POLR3H: variants seen among roughly 807,000 people sequenced by gnomAD.
The protein encoded by POLR3H is DNA-directed RNA polymerase III subunit RPC8.
Under a neutral mutation model 25.5 loss-of-function variants are expected in POLR3H, and 17 were observed. The observed-to-expected ratio is 0.67, with a 90% CI of 0.46 to 1.00. POLR3H has a LOEUF of 1.00. Ranked by LOEUF, POLR3H falls within the 50% of genes least tolerant of loss-of-function variation. The pLI is 0.00. For synonymous variants in POLR3H, 129 were observed against 103.0 expected (o/e 1.25, Z -1.53); for missense variants, 274 against 265.0 (o/e 1.03, Z -0.24).
At chr22:41,535,865 C>T (rs561021138) in intron 2 of POLR3H, among the ~76,000 whole-genome samples, 4 of 152,142 alleles carry the variant, frequency 2.6e-5, no homozygotes, top group Non-Finnish European at 4.4e-5. Flanking sequence ...CCCAGCTACT[C>T]GGGAGGCTGA....
Position 41,526,359 on chromosome 22 carries a change from G to C in POLR3H, c.*2924C>G. 4 of 1,613,664 alleles carry C rather than the reference G, an allele frequency of 2.5e-6. No individual in the cohort carries two copies. The highest frequency in any genetic ancestry group is 3.4e-6 in the Non-Finnish European group (4 of 1,180,040). ...AACATCTCCAACAACCTGCTCATTGGTGCCATCAACATTGAAAACGGCAAG... is the reference window on the plus strand; with the variant it reads ...AACATCTCCAACAACCTGCTCATTGCTGCCATCAACATTGAAAACGGCAAG... On this transcript the variant is annotated 3_prime_UTR_variant, in exon 6 of 6. Transcript: ENST00000355209.
chr22:41,543,850 T>C (rs1212038192), intron 1 of POLR3H, 141 bp downstream of exon 1: 3 of 720,892 alleles, frequency 4.2e-6, no homozygotes, highest in Non-Finnish European at 7.7e-6. Context: ...CAATATCTCC[T>C]TTCACGGTGA....
intron 5 of POLR3H, 181 bp from the exon 6 acceptor site, chr22:41,529,517 C>A: frequency 1.5e-6 from 1 of 656,012 alleles, no homozygotes; most frequent in Non-Finnish European, 2.8e-6. Flanking sequence ...ACGCAGCACG[C>A]AGGGCGCAGA....
rs768151174 is a variant in POLR3H at position 41,528,509 on chromosome 22, G to A, written c.*774C>T. 5 of 1,612,556 alleles carry A rather than the reference G, an allele frequency of 3.1e-6. No individual in the cohort carries two copies. Among genetic ancestry groups the A allele is most frequent in the East Asian group, 2.2e-5 (1 of 44,858 alleles). On this transcript the variant is annotated 3_prime_UTR_variant, in exon 6 of 6. Coordinates refer to ENST00000355209, the MANE Select transcript of POLR3H (RefSeq NM_001018050.4). ...GAAGTGCATCATCAAGCACCCCAACGGGACCCAGGAGACCATCCTCCTGAA... is the reference window on the plus strand; with the variant it reads ...GAAGTGCATCATCAAGCACCCCAACAGGACCCAGGAGACCATCCTCCTGAA...
intron 1 of POLR3H, among the ~76,000 whole-genome samples, chr22:41,541,685 C>A (rs1204062105): frequency 6.6e-6 from 1 of 152,194 alleles, no homozygotes; most frequent in Non-Finnish European, 1.5e-5. Flanking sequence ...CCAACAGGAC[C>A]TCTACCCCAA....
At chr22:41,543,825 T>G (rs1361120251) in intron 1 of POLR3H, 166 bp downstream of exon 1, 1 of 710,326 alleles carries the variant, frequency 1.4e-6, no homozygotes. Flanking sequence ...AAGCCCATTT[T>G]CTTTTGATCC....
chr22:41,536,891 TA>T (rs925766801), intron 2 of POLR3H, among the ~76,000 whole-genome samples: 66 of 139,964 alleles, frequency 4.7e-4, no homozygotes, highest in Admixed American at 4.3e-4. Flanking sequence ...AAAAAGGCTT[TA>T]AAAAAAAAAA....
rs778409924 is a variant in POLR3H, at chr22:41,544,028, G to A, written c.74C>T (p.Ser25Phe). Residue 25 changes from serine (S) to phenylalanine (F), a missense_variant, in exon 1 of 6, where the codon TCC becomes TTC. Physicochemically the swap from Ser to Phe is radical, Grantham distance 155. Coordinates refer to ENST00000355209, the MANE Select transcript of POLR3H (RefSeq NM_001018050.4). ...CTTCTTGTTCAGCTCCTCGGCAATG[G>A]AGTCGTTGAGCTTCCTCTCAAACTG... ...PWQFERKLND[S>F]IAEELNKKLA... 6.2e-7 allele frequency: 1 copy of A among 1,613,822 alleles called. No individual in the cohort carries two copies. Among genetic ancestry groups the A allele is most frequent in the East Asian group, 2.2e-5 (1 of 44,866 alleles).
chr22:41,530,732 A>G lies in POLR3H; in HGVS notation c.516T>C (p.Thr172=), dbSNP rs558920310. 15 of 1,613,898 alleles carry G rather than the reference A, an allele frequency of 9.3e-6. No homozygotes were observed. The South Asian group carries it at 1.5e-4, about 17-fold the overall frequency. ...CCTTCTTTGGCAGCTCCTCACTGGA[A>G]GTGGTGGCATCTGCTGAGCTGGGCC... The part of the protein sequence containing the change: ...PTGPSSADAT[T]SSEELPKKEA... The change falls in exon 5 of 6, where the codon ACT becomes ACC. Residue 172 remains threonine (T), a synonymous_variant. Coordinates refer to ENST00000355209, the MANE Select transcript of POLR3H (RefSeq NM_001018050.4).
Position 41,527,146 on chromosome 22 carries a change from G to A in POLR3H, c.*2137C>T. On this transcript the variant is annotated 3_prime_UTR_variant, in exon 6 of 6. Transcript: ENST00000355209. ...GGCTTCACTTGCCCTTAGGCAGCAG[G>A]CGAGGAAGGGCCCCTCCAGCCCCTT... 2 of 1,254,834 alleles carry A rather than the reference G, an allele frequency of 1.6e-6. No homozygotes were observed. The highest frequency in any genetic ancestry group is 2.2e-6 in the Non-Finnish European group (2 of 895,804). The allele number at this position is 1,254,834 out of a possible 1,614,324, so 77.7% of individuals were successfully genotyped here.
intron 5 of POLR3H, chr22:41,529,588 G>C (rs1285303955): frequency 1.4e-6 from 1 of 698,024 alleles, no homozygotes; most frequent in Non-Finnish European, 2.6e-6. Context: ...CCTTAGGCCT[G>C]CCCTCCAGGG....
intron 2 of POLR3H, among the ~76,000 whole-genome samples, chr22:41,536,797 CAG>C (rs375265461): frequency 2.7e-4 from 37 of 136,106 alleles, no homozygotes; most frequent in African/African-American, 1.0e-3. Flanking sequence ...ACCCGGGAGG[CAG>C]AGAGGTTGCA....
chr22:41,526,176 G>A lies in POLR3H; in HGVS notation c.*3107C>T. 3 of 1,284,012 alleles carry A rather than the reference G, an allele frequency of 2.3e-6. No individual in the cohort carries two copies. The highest frequency in any genetic ancestry group is 3.3e-6 in the Non-Finnish European group (3 of 920,802). The allele number at this position is 1,284,012 out of a possible 1,614,324, so 79.5% of individuals were successfully genotyped here. A position where few individuals can be genotyped will look rare whatever the true frequency, so the allele number is the denominator to read the frequency against. On this transcript the variant is annotated 3_prime_UTR_variant, in exon 6 of 6. Coordinates refer to ENST00000355209, the MANE Select transcript of POLR3H (RefSeq NM_001018050.4). ...CCTCTGTCACCCCTCCTGGGCCCCG[G>A]GGCCTGCTGCCTGCCTCTGGAGGGC...
rs1601933371 is a variant in POLR3H, at chr22:41,526,394, G to A, written c.*2889C>T. ...CATTGAAAACGGCAAGGCCAACTCCGTGCGCAATGCCGTCACTCAGGAGTT... is the reference window on the plus strand; with the variant it reads ...CATTGAAAACGGCAAGGCCAACTCCATGCGCAATGCCGTCACTCAGGAGTT... On this transcript the variant is annotated 3_prime_UTR_variant, in exon 6 of 6. Coordinates refer to ENST00000355209, the MANE Select transcript of POLR3H (RefSeq NM_001018050.4). The A allele has an allele frequency of 1.9e-6, 3 of 1,613,888 alleles. No individual in the cohort carries two copies. The highest frequency in any genetic ancestry group is 1.1e-5 in the South Asian group (1 of 91,060).
In POLR3H at chr22:41,544,385, A is replaced by ACGCCC. The variant is rs1397047608; in HGVS notation, c.-289_-285dup. On this transcript the variant is annotated 5_prime_UTR_variant, in exon 1 of 6. Transcript: ENST00000355209. ...ACGCCACTCCACGCCACGCCACTCC[A>ACGCCC]CGCCCCGCACCCGCGCCACGTGCCG... 315 of 286,758 alleles carry ACGCCC rather than the reference A, an allele frequency of 1.1e-3. No individual in the cohort carries two copies. The highest frequency in any genetic ancestry group is 6.7e-3 in the African/African-American group (289 of 42,864). 17.8% of individuals were successfully genotyped at this position (286,758 alleles called of 1,614,324 possible). A position where few individuals can be genotyped will look rare whatever the true frequency, so the allele number is the denominator to read the frequency against.
Position 41,544,277 on chromosome 22 carries a change from A to G in POLR3H, c.-176T>C. ...GTCCGGGCCATGCTCCGCTACTACA[A>G]CATGAGGAAACTGAGGCCAGAGGGA... On this transcript the variant is annotated 5_prime_UTR_variant, in exon 1 of 6. Coordinates refer to ENST00000355209, the MANE Select transcript of POLR3H (RefSeq NM_001018050.4). The G allele has an allele frequency of 3.6e-6, 2 of 556,832 alleles. No individual in the cohort carries two copies. Among genetic ancestry groups the G allele is most frequent in the Non-Finnish European group, 6.4e-6 (2 of 311,614 alleles). 34.5% of individuals were successfully genotyped at this position (556,832 alleles called of 1,614,324 possible).
chr22:41,529,673 C>A, intron 5 of POLR3H: 1 of 625,868 alleles, frequency 1.6e-6, no homozygotes, highest in Non-Finnish European at 3.0e-6. Flanking sequence ...CAACAGGGAG[C>A]AGCCTTGAAA....
At position 41,527,117 on chromosome 22, in the gene POLR3H, C is replaced by A. The variant is rs62236521; in HGVS notation, c.*2166G>T. 7 of 951,382 alleles carry A rather than the reference C, an allele frequency of 7.4e-6. No individual in the cohort carries two copies. Among genetic ancestry groups the A allele is most frequent in the Non-Finnish European group, 1.1e-5 (7 of 647,978 alleles). 58.9% of individuals were successfully genotyped at this position (951,382 alleles called of 1,614,324 possible). A position where few individuals can be genotyped will look rare whatever the true frequency, so the allele number is the denominator to read the frequency against. ...CGGGGCCTCGTTTGGGTCTCATTCA[C>A]GCAGGCTTCACTTGCCCTTAGGCAG... On this transcript the variant is annotated 3_prime_UTR_variant, in exon 6 of 6. Coordinates refer to ENST00000355209, the MANE Select transcript of POLR3H (RefSeq NM_001018050.4).
Position 41,528,022 on chromosome 22 carries a change from G to A in POLR3H, c.*1261C>T. ...GCCTGAAGGACTTCACCCCTGGCAA[G>A]GTTAGGGGCCCGGGTCCCCCTGAGG... is the stretch of plus-strand genomic sequence containing the variant. On this transcript the variant is annotated 3_prime_UTR_variant, in exon 6 of 6. Transcript: ENST00000355209. 1 of 1,614,134 alleles carries A rather than the reference G, an allele frequency of 6.2e-7. No homozygotes were observed.
Sources: gnomAD v4.1 joint callset for allele counts (sites outside exome capture counted in the v4.1 genomes callset) on GRCh38, gnomAD v4.1.1 for gene constraint, MANE v1.5 for transcripts, NCBI Gene and HGNC (gene_info 2026-07-23, HGNC 2026-07-21) for gene names.